Variants in ITGA4 observed in about 807,000 individuals in gnomAD.
ITGA4 encodes integrin alpha-4.
ITGA4 carries 63 observed loss-of-function variants against 133.6 expected under a neutral mutation model. The observed-to-expected ratio is 0.47, with a 90% CI of 0.38 to 0.58. ITGA4 has a LOEUF of 0.58. ITGA4 is among the 20% of genes least tolerant of loss of function. The pLI is 0.00. For missense variants in ITGA4, 1,076 were observed against 1,252.7 expected (o/e 0.86, Z 2.13); for synonymous variants, 483 against 438.0 (o/e 1.10, Z -1.28).
intron 2 of ITGA4, among the ~76,000 whole-genome samples, chr2:181,473,424 C>G (rs369029404): frequency 2.0e-4 from 30 of 152,192 alleles, no homozygotes; most frequent in Admixed American, 9.8e-4. Context: ...ATTGTCTTCA[C>G]GAAACCAGTC....
At chr2:181,458,414 C>T (rs1038741615) in intron 2 of ITGA4, 97 bp downstream of exon 2, 23 of 1,453,016 alleles carry the variant, frequency 1.6e-5, no homozygotes, top group African/African-American at 4.2e-5. Context: ...TTGCCTGTTA[C>T]TTCTGGTTTA....
Position 181,537,625 on chromosome 2 carries a change from T to C in ITGA4, c.*2098T>C, listed in dbSNP as rs1220984686. On this transcript the variant is annotated 3_prime_UTR_variant, in exon 28 of 28. Transcript: ENST00000397033. ...AATATAGGAAATTTAACATAATTGA[T>C]GAGCTCAAATCCTGAAAAATGAAAG... 1 of 433,004 alleles carries C rather than the reference T, an allele frequency of 2.3e-6. No homozygotes were observed. Among genetic ancestry groups the C allele is most frequent in the African/African-American group, 2.1e-5 (1 of 48,610 alleles). The allele number at this position is 433,004 out of a possible 1,614,324, so 26.8% of individuals were successfully genotyped here.
At chr2:181,520,415 T>C (rs1381309064) in intron 17 of ITGA4, among the ~76,000 whole-genome samples, 1 of 151,978 alleles carries the variant, frequency 6.6e-6, no homozygotes, top group Non-Finnish European at 1.5e-5. Context: ...CTCTGTGTCA[T>C]GCTAAGGAGT....
At position 181,534,809 on chromosome 2, in the gene ITGA4, C is replaced by G. The variant is rs201929112; in HGVS notation, c.2884-7C>G. On this transcript the variant is annotated splice_region_variant and splice_polypyrimidine_tract_variant and intron_variant, in intron 26 of 27. Coordinates refer to ENST00000397033, the MANE Select transcript of ITGA4 (RefSeq NM_000885.6). ...TTTTTGAGTTTTATTTTTCTTAACTCACGTAGGTTCTACTGGAAGGACTAC... is the reference window on the plus strand; with the variant it reads ...TTTTTGAGTTTTATTTTTCTTAACTGACGTAGGTTCTACTGGAAGGACTAC... 543 of 1,568,894 alleles carry G rather than the reference C, an allele frequency of 3.5e-4. No individual in the cohort carries two copies. The highest frequency in any genetic ancestry group is 3.4e-3 in the Middle Eastern group (20 of 5,908).
chr2:181,527,328 T>C lies in ITGA4; in HGVS notation c.2371T>C (p.Ser791Pro), dbSNP rs1207635117. The change falls in exon 22 of 28, where the codon TCA (serine) becomes CCA (proline). Residue 791 changes from serine (S) to proline (P), a missense_variant. By Grantham distance (74) the Ser-to-Pro change is moderately conservative. Transcript: ENST00000397033. ...AAACCCAACTTCATTTGTGTATGGATCAAATGATGAAAATGAGCCTGAAAC... is the reference window on the plus strand; with the variant it reads ...AAACCCAACTTCATTTGTGTATGGACCAAATGATGAAAATGAGCCTGAAAC... ...FVNPTSFVYG[S>P]NDENEPETCM... 6.2e-7 allele frequency: 1 copy of C among 1,612,372 alleles called. No homozygotes were observed. Among genetic ancestry groups the C allele is most frequent in the South Asian group, 1.1e-5 (1 of 91,042 alleles).
rs914521748 is a variant in ITGA4, at chr2:181,536,436, A to C, written c.*909A>C. Reference sequence around the variant, plus strand: ...ACCATACCTCACTAATAACTTTAAAATCAAAGCTGTGCAAAGACTAGGGGG... The same window carrying C: ...ACCATACCTCACTAATAACTTTAAACTCAAAGCTGTGCAAAGACTAGGGGG... On this transcript the variant is annotated 3_prime_UTR_variant, in exon 28 of 28. Transcript: ENST00000397033. Among the ~76,000 whole-genome samples the C allele has an allele frequency of 2.0e-5, 3 of 152,044 alleles. No homozygotes were observed. Among genetic ancestry groups the C allele is most frequent in the African/African-American group, 7.2e-5 (3 of 41,420 alleles).
chr2:181,495,687 T>C lies in ITGA4; in HGVS notation c.1386-96T>C. 9.4e-7 allele frequency: 1 copy of C among 1,061,578 alleles called. No homozygotes were observed. The highest frequency in any genetic ancestry group is 1.4e-6 in the Non-Finnish European group (1 of 720,578). The allele number at this position is 1,061,578 out of a possible 1,614,324, so 65.8% of individuals were successfully genotyped here. ...TACACACATAATAAGACTCATGAAATTACTTGGTGAATGTAAACTGAAAAA... is the reference window on the plus strand; with the variant it reads ...TACACACATAATAAGACTCATGAAACTACTTGGTGAATGTAAACTGAAAAA... On this transcript the variant is annotated intron_variant, in intron 13 of 27. Coordinates refer to ENST00000397033, the MANE Select transcript of ITGA4 (RefSeq NM_000885.6). The surrounding 1 kb of genome is among the most constrained non-coding windows in gnomAD (Gnocchi z 4.3).
At chr2:181,507,053 T>C (rs1205861755) in intron 15 of ITGA4, among the ~76,000 whole-genome samples, 4 of 152,266 alleles carry the variant, frequency 2.6e-5, no homozygotes, top group Admixed American at 6.5e-5. Flanking sequence ...GAAGAACTTA[T>C]AGATTGAAAC....
At chr2:181,458,727 C>G (rs1685195413) in intron 2 of ITGA4, 1 of 167,204 alleles carries the variant, frequency 6.0e-6, no homozygotes, top group African/African-American at 2.4e-5. Flanking sequence ...AGGAGCATAT[C>G]AGGAATAGCA....
At chr2:181,498,543 C>A (rs1330328681) in intron 14 of ITGA4, 80 bp from the exon 15 acceptor site, 1 of 841,214 alleles carries the variant, frequency 1.2e-6, no homozygotes, top group Admixed American at 2.7e-5. Context: ...GTCCATATAA[C>A]TTTAACTATT....
Position 181,460,796 on chromosome 2 carries a change from AC to A in ITGA4, c.319+2480del, listed in dbSNP as rs533341475. On this transcript the variant is annotated intron_variant, in intron 2 of 27. Transcript: ENST00000397033. ...TGAGGTTAATAGGGACAATTGATAAACTGAACCAAAAGTTTAAAAATTAAAA... is the reference window on the plus strand; with the variant it reads ...TGAGGTTAATAGGGACAATTGATAAATGAACCAAAAGTTTAAAAATTAAAA... Among the ~76,000 whole-genome samples the A allele has an allele frequency of 8.6e-4, 131 of 152,312 alleles. 1 individual carries two copies. The highest frequency in any genetic ancestry group is 2.9e-3 in the African/African-American group (121 of 41,578).
At chr2:181,478,658 A>G (rs56020695) in intron 4 of ITGA4, 99 bp from the exon 5 acceptor site, 11,346 of 507,200 alleles carry the variant, frequency 0.022, 243 homozygotes, top group African/African-American at 0.073. Flanking sequence ...AATACAAACT[A>G]TAGACCTTAA....
chr2:181,505,199 A>G (rs964316066), intron 15 of ITGA4, among the ~76,000 whole-genome samples: 1 of 152,070 alleles, frequency 6.6e-6, no homozygotes, highest in African/African-American at 2.4e-5. Context: ...TGTGACAGGT[A>G]CTGACTTTCA....
intron 2 of ITGA4, among the ~76,000 whole-genome samples, chr2:181,459,791 A>C (rs1685221173): frequency 6.6e-6 from 1 of 152,178 alleles, no homozygotes; most frequent in Non-Finnish European, 1.5e-5. Flanking sequence ...CTCAGGAGGG[A>C]GCAATTTTAT....
rs781266244 is a variant in ITGA4 at position 181,536,777 on chromosome 2, T to C, written c.*1250T>C. ...AAATTTCTTTAAATACAATCATTTT[T>C]GTAATATTTATTTTATGCTTATGAT... On this transcript the variant is annotated 3_prime_UTR_variant, in exon 28 of 28. Coordinates refer to ENST00000397033, the MANE Select transcript of ITGA4 (RefSeq NM_000885.6). The C allele has an allele frequency of 4.4e-5, 11 of 249,446 alleles. No homozygotes were observed. The highest frequency in any genetic ancestry group is 4.1e-4 in the South Asian group (9 of 22,018). 15.5% of individuals were successfully genotyped at this position (249,446 alleles called of 1,614,324 possible).
At chr2:181,483,106 T>G (rs1417235271) in intron 9 of ITGA4, among the ~76,000 whole-genome samples, 2 of 152,208 alleles carry the variant, frequency 1.3e-5, no homozygotes, top group Non-Finnish European at 2.9e-5. Flanking sequence ...AGAAACAAGA[T>G]GTGTTTTGTT....
intron 9 of ITGA4, among the ~76,000 whole-genome samples, chr2:181,483,067 A>AT (rs1490581468): frequency 6.6e-6 from 1 of 152,188 alleles, no homozygotes; most frequent in Non-Finnish European, 1.5e-5. Flanking sequence ...AGAATTAAGT[A>AT]TTTTCAATTT....
At chr2:181,477,526 TAGTC>T (rs1309950754) in intron 4 of ITGA4, among the ~76,000 whole-genome samples, 3 of 152,118 alleles carry the variant, frequency 2.0e-5, no homozygotes, top group African/African-American at 4.8e-5. Flanking sequence ...GATTAAAAAT[TAGTC>T]AAGAGACCAA....
At chr2:181,488,934 C>T (rs1685983360) in intron 10 of ITGA4, among the ~76,000 whole-genome samples, 2 of 152,168 alleles carry the variant, frequency 1.3e-5, no homozygotes, top group African/African-American at 4.8e-5. Context: ...AAGACCATTG[C>T]TGATGTGGAA....
Sources: gnomAD v4.1 joint callset for allele counts (sites outside exome capture counted in the v4.1 genomes callset) on GRCh38, gnomAD v4.1.1 for gene constraint, Gnocchi (gnomAD v3.1) non-coding constraint, MANE v1.5 for transcripts, NCBI Gene and HGNC (gene_info 2026-07-23, HGNC 2026-07-21) for gene names.